WDR1: variants seen among roughly 807,000 people sequenced by gnomAD.
The protein encoded by WDR1 is WD repeat-containing protein 1.
In WDR1, 21 loss-of-function variants were observed where a neutral mutation model predicts 71.9. The ratio of observed to expected loss-of-function variants is 0.29; its 90% CI spans 0.21 to 0.42. WDR1 has a LOEUF of 0.42. Ranked by LOEUF, WDR1 falls within the 10% of genes least tolerant of loss-of-function variation. WDR1 has a pLI of 1.00. For missense variants in WDR1, 696 were observed against 824.5 expected, an observed-to-expected ratio of 0.84 and a Z score of 1.91; for synonymous variants, 424 against 347.4, an observed-to-expected ratio of 1.22 and a Z score of -2.45.
chr4:10,088,806 C>T (rs1029027604), intron 5 of WDR1, 65 bp from the exon 6 acceptor site: 1 of 1,223,828 alleles, frequency 8.2e-7, no homozygotes, highest in East Asian at 2.5e-5. Flanking sequence ...CAAGAATGCT[C>T]TCTATGAAAC....
At chr4:10,083,638 T>TC (rs759504184) in intron 9 of WDR1, 2 of 484,162 alleles carry the variant, frequency 4.1e-6, no homozygotes, top group Non-Finnish European at 8.2e-6. Flanking sequence ...AAAGGCAGTC[T>TC]CCAACACAGC....
chr4:10,103,157 G>A (rs530693925), intron 3 of WDR1, among the ~76,000 whole-genome samples: 2 of 152,262 alleles, frequency 1.3e-5, no homozygotes, highest in African/African-American at 4.8e-5. Flanking sequence ...GAGAGCAAAG[G>A]CCCAGTGTAC....
At chr4:10,077,503 C>T (rs537260653) in intron 13 of WDR1, 55 bp from the exon 14 acceptor site, 2 of 1,610,458 alleles carry the variant, frequency 1.2e-6, no homozygotes, top group Admixed American at 3.3e-5. Context: ...GCCGCAGTTG[C>T]CCATATCACC....
chr4:10,114,676 C>G (rs955827281), intron 2 of WDR1, among the ~76,000 whole-genome samples: 15 of 152,248 alleles, frequency 9.9e-5, no homozygotes, highest in African/African-American at 3.6e-4. Context: ...TCTCAAAAGC[C>G]TCAGGACCTG....
chr4:10,083,612 CA>C, intron 9 of WDR1: 1 of 485,144 alleles, frequency 2.1e-6, no homozygotes, highest in South Asian at 1.5e-5. Flanking sequence ...ACATGCGGAC[CA>C]GAGCTGTCCA....
intron 11 of WDR1, among the ~76,000 whole-genome samples, chr4:10,079,380 C>T (rs775472886): frequency 7.9e-5 from 12 of 152,250 alleles, no homozygotes; most frequent in Admixed American, 1.3e-4. Context: ...CACGTGCCAG[C>T]GCTCTGCTGT....
At chr4:10,088,249 G>A (rs1231777374) in intron 7 of WDR1, 44 bp downstream of exon 7, 9 of 1,531,176 alleles carry the variant, frequency 5.9e-6, no homozygotes, top group East Asian at 2.4e-5. Flanking sequence ...ACGTGGACTC[G>A]GCCAAATTCC....
rs767210816 is a variant in WDR1 at position 10,099,065 on chromosome 4, C to A, written c.304G>T (p.Ala102Ser). ...HLLKYEYQPF[A>S]GKIKDIAWTE... ...CAAGCAATGTCTTTGATCTTCCCAG[C>A]GAAAGGCTGGTACTCATACTTCAAC... The change falls in exon 4 of 15, where the codon GCT becomes TCT. Residue 102 changes from alanine (A) to serine (S), a missense_variant. Ala to Ser is a moderately conservative substitution (Grantham distance 99, BLOSUM62 1). Coordinates refer to ENST00000499869, the MANE Select transcript of WDR1 (RefSeq NM_017491.5). The A allele has an allele frequency of 1.4e-5, 23 of 1,613,668 alleles. No homozygotes were observed. Among genetic ancestry groups the A allele is most frequent in the Non-Finnish European group, 1.9e-5 (23 of 1,179,878 alleles).
chr4:10,086,917 C>G (rs1005126097), intron 8 of WDR1, among the ~76,000 whole-genome samples: 1 of 152,148 alleles, frequency 6.6e-6, no homozygotes, highest in African/African-American at 2.4e-5. Context: ...AGAGGAGGAC[C>G]TGAGGATACA....
intron 2 of WDR1, 179 bp downstream of exon 2, chr4:10,115,934 C>T: frequency 1.3e-6 from 1 of 748,732 alleles, no homozygotes; most frequent in Non-Finnish European, 2.2e-6. Context: ...CAGACAAGGA[C>T]CTGGGTGAAT....
At chr4:10,111,966 ACTT>A (rs1479892925) in intron 2 of WDR1, among the ~76,000 whole-genome samples, 1 of 152,188 alleles carries the variant, frequency 6.6e-6, no homozygotes, top group Non-Finnish European at 1.5e-5. Context: ...GGAACTGGAT[ACTT>A]TAAAAACCAG....
chr4:10,105,537 T>G (rs1454697580), intron 2 of WDR1, among the ~76,000 whole-genome samples: 3 of 152,190 alleles, frequency 2.0e-5, no homozygotes, highest in Admixed American at 2.0e-4. Flanking sequence ...GTGTCATTAG[T>G]CTTGGGAAAT....
chr4:10,080,105 A>AG (rs1764954390), intron 11 of WDR1, among the ~76,000 whole-genome samples: 1 of 152,174 alleles, frequency 6.6e-6, no homozygotes, highest in South Asian at 2.1e-4. Flanking sequence ...AGAGACCTGG[A>AG]GCCTGTCCCC....
At chr4:10,080,125 C>A (rs888671336) in intron 11 of WDR1, among the ~76,000 whole-genome samples, 2 of 152,214 alleles carry the variant, frequency 1.3e-5, no homozygotes, top group African/African-American at 2.4e-5. Flanking sequence ...CTGCACACCA[C>A]AACCCTACCG....
intron 10 of WDR1, among the ~76,000 whole-genome samples, chr4:10,081,765 CCT>C (rs370024991): frequency 5.3e-4 from 80 of 152,152 alleles, no homozygotes; most frequent in East Asian, 1.5e-3. Context: ...CTTTTGTCCC[CCT>C]GTCTGTTGGC....
At position 10,092,964 on chromosome 4, in the gene WDR1, C is replaced by G; in HGVS notation, c.559-4223G>C. 3.2e-6 allele frequency: 3 copies of G among 941,980 alleles called. No individual in the cohort carries two copies. The Admixed American group carries it at 7.0e-5, about 22-fold the overall frequency. The allele number at this position is 941,980 out of a possible 1,614,324, so 58.4% of individuals were successfully genotyped here. A position where few individuals can be genotyped will look rare whatever the true frequency, so the allele number is the denominator to read the frequency against. On this transcript the variant is annotated intron_variant, in intron 5 of 14. Coordinates refer to ENST00000499869, the MANE Select transcript of WDR1 (RefSeq NM_017491.5). ...TGCCTGTCCTCCCTTGCAGCCAACA[C>G]ATAGCCAAGACTGACCTGTATCAAC... is the stretch of plus-strand genomic sequence containing the variant.
intron 8 of WDR1, among the ~76,000 whole-genome samples, chr4:10,084,785 C>T (rs1480077023): frequency 6.6e-6 from 1 of 152,334 alleles, no homozygotes. Context: ...GGTACCTAAC[C>T]CAGACCTGGG....
chr4:10,083,645 C>T (rs534161817), intron 9 of WDR1: 1 of 481,796 alleles, frequency 2.1e-6, no homozygotes, highest in Non-Finnish European at 4.1e-6. Context: ...GTCTCCAACA[C>T]AGCACGGTGC....
chr4:10,088,266 T>TA, intron 7 of WDR1, 27 bp downstream of exon 7: 1 of 1,548,458 alleles, frequency 6.5e-7, no homozygotes, highest in Non-Finnish European at 8.7e-7. Flanking sequence ...TTCCCACCAC[T>TA]AGGCCGGGAA....
Sources: gnomAD v4.1 joint callset for allele counts (sites outside exome capture counted in the v4.1 genomes callset) on GRCh38, gnomAD v4.1.1 for gene constraint, MANE v1.5 for transcripts, NCBI Gene and HGNC (gene_info 2026-07-23, HGNC 2026-07-21) for gene names.